Variants in CCR3 observed in about 807,000 individuals in gnomAD.
The protein encoded by CCR3 is C-C chemokine receptor type 3.
For synonymous variants in CCR3, 203 were observed against 179.2 expected (o/e 1.13, Z -1.06); for missense variants, 419 against 437.5 (o/e 0.96, Z 0.38).
At chr3:46,215,407 A>C (rs1699762444) in intron 2 of CCR3, among the ~76,000 whole-genome samples, 1 of 152,132 alleles carries the variant, frequency 6.6e-6, no homozygotes, top group Non-Finnish European at 1.5e-5. Context: ...AGACCCAGGA[A>C]TCTGTGTTTT....
chr3:46,216,166 T>C (rs539259217), intron 2 of CCR3, among the ~76,000 whole-genome samples: 3 of 152,204 alleles, frequency 2.0e-5, no homozygotes, highest in Non-Finnish European at 4.4e-5. Context: ...TATTTACACA[T>C]GTGGCAGAAG....
chr3:46,240,516 G>A (rs763003175), upstream of CCR3, among the ~76,000 whole-genome samples: 9 of 152,106 alleles, frequency 5.9e-5, no homozygotes, highest in Non-Finnish European at 1.0e-4. Flanking sequence ...CCATGAAGCC[G>A]TTCCCAGTCC....
chr3:46,229,140 G>A (rs1699934482), intron 2 of CCR3, among the ~76,000 whole-genome samples: 1 of 152,144 alleles, frequency 6.6e-6, no homozygotes, highest in Admixed American at 6.5e-5. Flanking sequence ...ATAGATAGAA[G>A]TGATATGAGC....
chr3:46,236,572 A>C (rs535033021), intron 2 of CCR3, among the ~76,000 whole-genome samples: 1 of 152,324 alleles, frequency 6.6e-6, no homozygotes, highest in South Asian at 2.1e-4. Flanking sequence ...AGGACTTCTT[A>C]TCTTCTCTTT....
intron 2 of CCR3, among the ~76,000 whole-genome samples, chr3:46,226,581 G>A (rs1343527582): frequency 2.0e-5 from 3 of 152,130 alleles, no homozygotes; most frequent in African/African-American, 7.2e-5. Flanking sequence ...AGACCGCTAT[G>A]TCTTTCCTAA....
At position 46,265,344 on chromosome 3, in the gene CCR3, C is replaced by G; in HGVS notation, c.186C>G (p.Tyr62Ter). 1.2e-6 allele frequency: 2 copies of G among 1,614,138 alleles called. No individual in the cohort carries two copies. Among genetic ancestry groups the G allele is most frequent in the Non-Finnish European group, 1.7e-6 (2 of 1,180,002 alleles). ...TGGTGGTGATGATCCTCATAAAATA[C>G]AGGAGGCTCCGAATTATGACCAACA... ...NVVVVMILIK[Y>*]RRLRIMTNIY... Residue 62 changes from tyrosine (Y) to a stop codon, truncating the protein, a stop_gained, in exon 2 of 2, where the codon TAC (tyrosine) becomes TAG (stop). Coordinates refer to ENST00000395940, the MANE Select transcript of CCR3 (RefSeq NM_178329.3). LOFTEE classifies it low-confidence loss of function (END_TRUNC).
upstream of CCR3, among the ~76,000 whole-genome samples, chr3:46,242,039 A>G (rs929422579): frequency 6.6e-6 from 1 of 152,028 alleles, no homozygotes; most frequent in African/African-American, 2.4e-5. Context: ...AGGCTGAGGC[A>G]GGAAAATCCC....
chr3:46,243,002 T>TATATATATATATATATATATATAC (rs56773457), intron 1 of CCR3, among the ~76,000 whole-genome samples: 18 of 123,736 alleles, frequency 1.5e-4, no homozygotes, highest in East Asian at 5.2e-4. Context: ...TATATATATA[T>TATATATATATATATATATATATAC]ACGCACACAC....
intron 2 of CCR3, among the ~76,000 whole-genome samples, chr3:46,217,176 C>T (rs1699785663): frequency 6.6e-6 from 1 of 152,072 alleles, no homozygotes; most frequent in Admixed American, 6.5e-5. Context: ...TTATATCAGT[C>T]AAAACAGACT....
At chr3:46,263,469 AT>A in intron 1 of CCR3, 1 of 154,840 alleles carries the variant, frequency 6.5e-6, no homozygotes, top group Non-Finnish European at 1.5e-5. Flanking sequence ...TCCTCAGTCC[AT>A]TTTCCTCCTC....
upstream of CCR3, among the ~76,000 whole-genome samples, chr3:46,237,471 T>C (rs939970318): frequency 4.6e-5 from 7 of 152,246 alleles, no homozygotes; most frequent in Middle Eastern, 3.2e-3. Flanking sequence ...TTTGTTTTTG[T>C]TGCCTGTGCA....
chr3:46,263,947 GC>G (rs1700572309), intron 1 of CCR3: 1 of 154,856 alleles, frequency 6.5e-6, no homozygotes, highest in African/African-American at 2.4e-5. Flanking sequence ...CTTGAGAAAT[GC>G]CCATCGGCCT....
At chr3:46,214,956 G>C (rs1699757132) in intron 2 of CCR3, among the ~76,000 whole-genome samples, 1 of 152,180 alleles carries the variant, frequency 6.6e-6, no homozygotes, top group Non-Finnish European at 1.5e-5. Context: ...CAGAGAGCCT[G>C]AGAGCATGGC....
rs201366965 is a variant in CCR3, at chr3:46,266,401, A to G, written c.*175A>G. On this transcript the variant is annotated 3_prime_UTR_variant, in exon 2 of 2. Coordinates refer to ENST00000395940, the MANE Select transcript of CCR3 (RefSeq NM_178329.3). ...CAGTAGATGCATGTACCCTAAGGTC[A>G]TTACCACAGGCCAGGGGCTGGGCAG... The G allele has an allele frequency of 3.1e-5, 18 of 574,622 alleles. No homozygotes were observed. Among genetic ancestry groups the G allele is most frequent in the South Asian group, 5.0e-5 (2 of 40,158 alleles). The allele number at this position is 574,622 out of a possible 1,614,324, so 35.6% of individuals were successfully genotyped here. A position where few individuals can be genotyped will look rare whatever the true frequency, so the allele number is the denominator to read the frequency against.
In CCR3 at chr3:46,266,050, C is replaced by T. The variant is rs1385691936; in HGVS notation, c.892C>T (p.Pro298Ser). The T allele has an allele frequency of 6.2e-7, 1 of 1,614,024 alleles. No homozygotes were observed. Among genetic ancestry groups the T allele is most frequent in the South Asian group, 1.1e-5 (1 of 91,082 alleles). The stretch of plus-strand genomic sequence containing the variant: ...CGCCTACTCCCACTGCTGCATGAAC[C>T]CGGTGATCTACGCCTTTGTTGGAGA... ...VIAYSHCCMN[P>S]VIYAFVGERF... is the part of the protein sequence containing the mutation. The change falls in exon 2 of 2, where the codon CCG becomes TCG. Residue 298 changes from proline (P) to serine (S), a missense_variant. Pro to Ser is a moderately conservative substitution (Grantham distance 74). Coordinates refer to ENST00000395940, the MANE Select transcript of CCR3 (RefSeq NM_178329.3).
chr3:46,262,863 C>T (rs1487912619), intron 1 of CCR3, among the ~76,000 whole-genome samples: 4 of 152,112 alleles, frequency 2.6e-5, no homozygotes, highest in African/African-American at 7.2e-5. Context: ...CTATATTGTC[C>T]AGGCTGGTCT....
chr3:46,250,620 A>G (rs1700288327), intron 1 of CCR3, among the ~76,000 whole-genome samples: 1 of 152,174 alleles, frequency 6.6e-6, no homozygotes, highest in African/African-American at 2.4e-5. Flanking sequence ...TCAAGTTTGT[A>G]TTGGAGCCAA....
At chr3:46,249,033 G>T (rs949148276) in intron 1 of CCR3, among the ~76,000 whole-genome samples, 2 of 152,184 alleles carry the variant, frequency 1.3e-5, no homozygotes, top group Non-Finnish European at 2.9e-5. Flanking sequence ...TCCTTTTAAA[G>T]CGTGCTGTGG....
intron 1 of CCR3, among the ~76,000 whole-genome samples, chr3:46,247,986 C>T (rs1700230023): frequency 6.6e-6 from 1 of 152,060 alleles, no homozygotes; most frequent in Non-Finnish European, 1.5e-5. Context: ...AAGAGGCAGG[C>T]TAGTGGCTTG....
Sources: allele counts gnomAD v4.1 joint callset (sites outside exome capture counted in the v4.1 genomes callset), GRCh38; gene constraint gnomAD v4.1.1; transcripts MANE v1.5; gene names NCBI Gene and HGNC (gene_info 2026-07-23, HGNC 2026-07-21).